MYO3B: variants seen among roughly 807,000 people sequenced by gnomAD.
MYO3B encodes the protein myosin IIIB.
Under a neutral mutation model 174.6 loss-of-function variants are expected in MYO3B, and 156 were observed. That is an observed-to-expected ratio of 0.89 (90% CI 0.78 to 1.02). The LOEUF (loss-of-function observed/expected upper bound fraction) is 1.02. Among genes scored for constraint, MYO3B ranks in the 50% least tolerant of loss-of-function variants. The pLI is 0.00. For missense variants in MYO3B, 1,632 were observed against 1,639.4 expected (o/e 1.00, Z 0.08); for synonymous variants, 563 against 569.1 (o/e 0.99, Z 0.15).
chr2:170,277,441 A>G (rs2093471640), intron 7 of MYO3B, among the ~76,000 whole-genome samples: 1 of 152,186 alleles, frequency 6.6e-6, no homozygotes, highest in African/African-American at 2.4e-5. Context: ...GTTTTCAAAG[A>G]GAGTCTTGAT....
At position 170,280,609 on chromosome 2, in the gene MYO3B, T is replaced by C. The variant is rs542496647; in HGVS notation, c.749+44473T>C. ...GTCTTCTGGGGTTTTTATAGTTGGGTTTTTACATTTAAGTCTGTAATCTAT... is the reference window on the plus strand; with the variant it reads ...GTCTTCTGGGGTTTTTATAGTTGGGCTTTTACATTTAAGTCTGTAATCTAT... On this transcript the variant is annotated intron_variant, in intron 7 of 34. Transcript: ENST00000408978. 2.2e-3 allele frequency among the ~76,000 whole-genome samples: 133 copies of C among 61,504 alleles called. 1 individual carries two copies. The East Asian group carries it at 0.037, about 17-fold the overall frequency. The allele number at this position is 61,504 out of a possible 152,430, so 40.3% of individuals were successfully genotyped here.
chr2:170,208,971 A>G (rs1574581095), intron 3 of MYO3B, among the ~76,000 whole-genome samples: 1 of 152,312 alleles, frequency 6.6e-6, no homozygotes, highest in East Asian at 1.9e-4. Context: ...TAAGGTCCCA[A>G]GATAAACTTA....
rs191010094 is a variant in MYO3B, at chr2:170,222,726, G to A, written c.603+5331G>A. 1.4e-3 allele frequency among the ~76,000 whole-genome samples: 206 copies of A among 152,210 alleles called. 1 individual carries two copies. The highest frequency in any genetic ancestry group is 7.3e-3 in the South Asian group (35 of 4,792). On this transcript the variant is annotated intron_variant, in intron 6 of 34. Transcript: ENST00000408978. Reference sequence around the variant, plus strand: ...TGACCCTATTTCCAAATAAGTTCACGTTCTGAGATTCTGGGGGCTAGGACT... The same window carrying A: ...TGACCCTATTTCCAAATAAGTTCACATTCTGAGATTCTGGGGGCTAGGACT...
At chr2:170,643,510 T>G (rs1262065257) in intron 32 of MYO3B, among the ~76,000 whole-genome samples, 2 of 152,164 alleles carry the variant, frequency 1.3e-5, no homozygotes, top group Non-Finnish European at 2.9e-5. Context: ...CAGAGCTCTG[T>G]AAATTAATTG....
chr2:170,638,558 T>C (rs1241399054), intron 32 of MYO3B, among the ~76,000 whole-genome samples: 1 of 152,230 alleles, frequency 6.6e-6, no homozygotes, highest in Non-Finnish European at 1.5e-5. Flanking sequence ...TGGCGATTAC[T>C]CTGGAGTTAC....
At chr2:170,566,721 A>G (rs1449644703) in intron 32 of MYO3B, among the ~76,000 whole-genome samples, 2 of 152,158 alleles carry the variant, frequency 1.3e-5, no homozygotes, top group African/African-American at 4.8e-5. Flanking sequence ...CCAAGTGTGA[A>G]TGGATTTAGG....
intron 9 of MYO3B, among the ~76,000 whole-genome samples, chr2:170,374,760 C>CACACACACAT (rs1459606243): frequency 0.069 from 2,413 of 35,070 alleles, 69 homozygotes; most frequent in African/African-American, 0.19. Flanking sequence ...TGCATACATA[C>CACACACACAT]ACACACACAC....
At chr2:170,317,570 T>G (rs1198540484) in intron 7 of MYO3B, among the ~76,000 whole-genome samples, 1 of 152,184 alleles carries the variant, frequency 6.6e-6, no homozygotes, top group East Asian at 1.9e-4. Flanking sequence ...CTCATCCTAA[T>G]ACTCTAGTTT....
chr2:170,200,015 T>C, intron 2 of MYO3B, 135 bp from the exon 3 acceptor site: 4 of 685,842 alleles, frequency 5.8e-6, no homozygotes, highest in Non-Finnish European at 9.1e-6. Flanking sequence ...CATTGTTAGA[T>C]ATTTTGAAGG....
chr2:170,636,650 C>G (rs147091027), intron 32 of MYO3B, among the ~76,000 whole-genome samples: 1 of 152,136 alleles, frequency 6.6e-6, no homozygotes, highest in African/African-American at 2.4e-5. Flanking sequence ...TCCCACCCTT[C>G]CAGAGCTGGT....
At chr2:170,622,134 G>C (rs1480512274) in intron 32 of MYO3B, among the ~76,000 whole-genome samples, 1 of 152,104 alleles carries the variant, frequency 6.6e-6, no homozygotes, top group Non-Finnish European at 1.5e-5. Flanking sequence ...GTTCTAAAAA[G>C]AAAAATGCTC....
chr2:170,464,344 CAAAAAAAAAAA>C (rs55671996), intron 24 of MYO3B, among the ~76,000 whole-genome samples: 1 of 98,226 alleles, frequency 1.0e-5, no homozygotes, highest in Admixed American at 1.1e-4. Context: ...GACTCCCTCT[CAAAAAAAAAAA>C]AAAAAAAAAA....
At chr2:170,623,537 G>C (rs1696123286) in intron 32 of MYO3B, among the ~76,000 whole-genome samples, 1 of 152,170 alleles carries the variant, frequency 6.6e-6, no homozygotes, top group South Asian at 2.1e-4. Context: ...TGTTCACTCT[G>C]ATGGTAGTTT....
chr2:170,258,915 C>T (rs557202226), intron 7 of MYO3B, among the ~76,000 whole-genome samples: 74 of 152,230 alleles, frequency 4.9e-4, no homozygotes, highest in Non-Finnish European at 9.3e-4. Context: ...TATTTCTATA[C>T]ACCAGTCTTG....
At chr2:170,276,982 A>G (rs2093468097) in intron 7 of MYO3B, among the ~76,000 whole-genome samples, 1 of 152,212 alleles carries the variant, frequency 6.6e-6, no homozygotes, top group Admixed American at 6.5e-5. Context: ...TTATTATTCA[A>G]AACCAGCTGG....
intron 8 of MYO3B, 136 bp from the exon 9 acceptor site, chr2:170,369,086 A>G (rs1010943917): frequency 9.8e-5 from 60 of 611,854 alleles, no homozygotes; most frequent in Non-Finnish European, 1.5e-4. Context: ...ATATTAATTA[A>G]AGAGAGAGCT....
chr2:170,211,556 G>C (rs779328305), intron 3 of MYO3B, among the ~76,000 whole-genome samples: 2 of 152,178 alleles, frequency 1.3e-5, no homozygotes, highest in Non-Finnish European at 2.9e-5. Context: ...ACAAAATTTA[G>C]AACCTTTAGA....
chr2:170,259,601 A>G (rs1416004160), intron 7 of MYO3B, among the ~76,000 whole-genome samples: 2 of 152,214 alleles, frequency 1.3e-5, no homozygotes, highest in South Asian at 2.1e-4. Flanking sequence ...TAAAAATCCA[A>G]CTGGAAGCCT....
intron 22 of MYO3B, among the ~76,000 whole-genome samples, chr2:170,428,837 T>A (rs1439654763): frequency 6.6e-6 from 1 of 152,224 alleles, no homozygotes; most frequent in African/African-American, 2.4e-5. Flanking sequence ...ACTCCTCATT[T>A]GACATATAAT....
Sources: gnomAD v4.1 joint callset for allele counts (sites outside exome capture counted in the v4.1 genomes callset) on GRCh38, gnomAD v4.1.1 for gene constraint, MANE v1.5 for transcripts, NCBI Gene and HGNC (gene_info 2026-07-23, HGNC 2026-07-21) for gene names.